The following BARHL2 variants were observed in gnomAD, a reference collection of about 807,000 sequenced individuals.
BARHL2 encodes the protein barH-like 2 homeobox protein.
Under a neutral mutation model 27.1 loss-of-function variants are expected in BARHL2, and 10 were observed. The ratio of observed to expected loss-of-function variants is 0.37; its 90% CI spans 0.23 to 0.63. The LOEUF is 0.63. BARHL2 is among the 20% of genes least tolerant of loss of function. The pLI is 0.65. For missense variants in BARHL2, 483 were observed against 533.5 expected, an observed-to-expected ratio of 0.91 and a Z score of 0.93; for synonymous variants, 248 against 224.7, an observed-to-expected ratio of 1.10 and a Z score of -0.93.
intron 2 of BARHL2, 117 bp downstream of exon 2, chr1:90,714,414 A>G (rs1205821427): frequency 4.0e-6 from 4 of 1,000,752 alleles, no homozygotes; most frequent in Non-Finnish European, 6.1e-6. Context: ...CCAAGTGCCC[A>G]CTCCAGGGTC....
rs563603782 is a variant in BARHL2, at chr1:90,712,588, C to T, written c.888G>A (p.Glu296=). The change falls in exon 3 of 3, where the codon GAG becomes GAA. Residue 296 remains glutamate (E), a synonymous_variant. Coordinates refer to ENST00000370445, the MANE Select transcript of BARHL2 (RefSeq NM_020063.2). ...AGTAGTTCCCTGCCTCGGCCAGCAA[C>T]TCCAGGCCCACCGCTGTCTGCCGCT... ...KWKRQTAVGL[E]LLAEAGNYSA... The T allele has an allele frequency of 3.5e-5, 57 of 1,612,086 alleles. No homozygotes were observed. The South Asian group carries it at 5.7e-4, about 16-fold the overall frequency.
rs55930814 is a variant in BARHL2 at position 90,712,729 on chromosome 1, C to G, written c.852-105G>C. On this transcript the variant is annotated intron_variant, in intron 2 of 2. Transcript: ENST00000370445. ...CTTCCTGCCTCCTCCTTCATTCTCC[C>G]TGGGTGGCAGGAAGACTCAGAGACC... is the stretch of plus-strand genomic sequence containing the variant. The G allele has an allele frequency of 7.9e-3, 9,440 of 1,189,506 alleles. 98 individuals carry two copies. The highest frequency in any genetic ancestry group is 8.4e-3 in the Non-Finnish European group (7,235 of 862,302). The allele number at this position is 1,189,506 out of a possible 1,614,324, so 73.7% of individuals were successfully genotyped here. A position where few individuals can be genotyped will look rare whatever the true frequency, so the allele number is the denominator to read the frequency against.
intron 1 of BARHL2, 93 bp downstream of exon 1, chr1:90,716,478 G>A (rs1454420678): frequency 7.4e-6 from 10 of 1,357,986 alleles, no homozygotes; most frequent in South Asian, 3.5e-5. Context: ...TCCTGGAATC[G>A]CTCCCCAGCA....
intron 1 of BARHL2, among the ~76,000 whole-genome samples, chr1:90,715,997 T>C (rs548660862): frequency 3.5e-4 from 54 of 152,124 alleles, no homozygotes; most frequent in Non-Finnish European, 6.6e-4. Context: ...AAGAAACTTA[T>C]TACAAATTTT....
Position 90,717,154 on chromosome 1 carries a change from G to A in BARHL2, c.42C>T (p.Asp14=). The change falls in exon 1 of 3, where the codon GAC becomes GAT. Residue 14 remains aspartate, a synonymous_variant. Coordinates refer to ENST00000370445, the MANE Select transcript of BARHL2 (RefSeq NM_020063.2). The stretch of plus-strand genomic sequence containing the variant: ...CTGAACTGGCACTGGACAAAATCGT[G>A]TCTATTCCAAAACTCGACCCGCTGG... ...EGASGSSFGI[D]TILSSASSGS... 1 of 1,613,628 alleles carries A rather than the reference G, an allele frequency of 6.2e-7. No individual in the cohort carries two copies. The highest frequency in any genetic ancestry group is 1.1e-5 in the South Asian group (1 of 90,956).
chr1:90,712,208 G>C lies in BARHL2; in HGVS notation c.*104C>G. ...CTTACTCCTCTGCCTTCCAGAGTTG[G>C]CTGCAAGGGAGGCCTAGTGGCCTGG... On this transcript the variant is annotated 3_prime_UTR_variant, in exon 3 of 3. Transcript: ENST00000370445. The C allele has an allele frequency of 1.6e-6, 2 of 1,227,222 alleles. No homozygotes were observed. Among genetic ancestry groups the C allele is most frequent in the South Asian group, 2.0e-5 (1 of 50,528 alleles). The allele number at this position is 1,227,222 out of a possible 1,614,324, so 76.0% of individuals were successfully genotyped here. A position where few individuals can be genotyped will look rare whatever the true frequency, so the allele number is the denominator to read the frequency against.
rs755002128 is a variant in BARHL2, at chr1:90,712,497, T to C, written c.979A>G (p.Ser327Gly). ...YHPSLLGSMD[S>G]TTAAAAAAAM... ...GCGGCAGCCGCCGCCGCCGTAGTGCTGTCCATGCTGCCCAGCAGGCTTGGG... is the reference window on the plus strand; with the variant it reads ...GCGGCAGCCGCCGCCGCCGTAGTGCCGTCCATGCTGCCCAGCAGGCTTGGG... Residue 327 changes from serine to glycine, a missense_variant, in exon 3 of 3, where the codon AGC (serine) becomes GGC (glycine). By Grantham distance (56) the Ser-to-Gly change is moderately conservative. This residue lies in a region of BARHL2 where 130 missense variants were observed against 138.0 expected (regional missense o/e 0.94). Transcript: ENST00000370445. 6.2e-6 allele frequency: 10 copies of C among 1,613,914 alleles called. No individual in the cohort carries two copies. In the East Asian group the frequency reaches 2.0e-4, roughly 32 times the overall value.
At position 90,716,880 on chromosome 1, in the gene BARHL2, G is replaced by C. The variant is rs773314962; in HGVS notation, c.316C>G (p.Gln106Glu). 113 of 1,583,490 alleles carry C rather than the reference G, an allele frequency of 7.1e-5. No individual in the cohort carries two copies. Among genetic ancestry groups the C allele is most frequent in the Non-Finnish European group, 9.5e-5 (111 of 1,165,932 alleles). Residue 106 changes from glutamine (Q) to glutamate (E), a missense_variant, in exon 1 of 3, where the codon CAG becomes GAG. Transcript: ENST00000370445. ...PPAAAPTQSL[Q>E]PLPQQQQPLP... ...GGCTGCTGCTGTTGGGGCAAAGGCTGCAAACTTTGCGTCGGGGCCGCGGCC... is the reference window on the plus strand; with the variant it reads ...GGCTGCTGCTGTTGGGGCAAAGGCTCCAAACTTTGCGTCGGGGCCGCGGCC...
Position 90,716,971 on chromosome 1 carries a change from C to A in BARHL2, c.225G>T (p.Pro75=), listed in dbSNP as rs141603891. Residue 75 remains proline, a synonymous_variant, in exon 1 of 3, where the codon CCG becomes CCT. Transcript: ENST00000370445. ...GCTGGGTCGCGTCTGCTACCAGATGCGGCTCCGGGGGCTCCATGGTGACTG... is the reference window on the plus strand; with the variant it reads ...GCTGGGTCGCGTCTGCTACCAGATGAGGCTCCGGGGGCTCCATGGTGACTG... ...PISVTMEPPE[P]HLVADATQHH... is the part of the protein sequence containing the mutation. 3.9e-4 allele frequency: 628 copies of A among 1,613,272 alleles called. 11 individuals are homozygous for A. The South Asian group carries it at 6.5e-3, about 17-fold the overall frequency.
Position 90,714,562 on chromosome 1 carries a change from T to C in BARHL2, c.820A>G (p.Thr274Ala), listed in dbSNP as rs1211077211. 6.2e-7 allele frequency: 1 copy of C among 1,614,050 alleles called. No homozygotes were observed. Among genetic ancestry groups the C allele is most frequent in the Non-Finnish European group, 8.5e-7 (1 of 1,180,028 alleles). ...TTCTGGTACCAGGTCTTGACTTGGGTGTCAGTGAGGTTGAGCGCTGCAGCC... is the reference window on the plus strand; with the variant it reads ...TTCTGGTACCAGGTCTTGACTTGGGCGTCAGTGAGGTTGAGCGCTGCAGCC... The part of the protein sequence containing the change: ...DLAAALNLTD[T>A]QVKTWYQNRR... The change falls in exon 2 of 3, where the codon ACC becomes GCC. Residue 274 changes from threonine (T) to alanine (A), a missense_variant. Coordinates refer to ENST00000370445, the MANE Select transcript of BARHL2 (RefSeq NM_020063.2).
At chr1:90,714,893 C>T (rs529607364) in intron 1 of BARHL2, 137 bp from the exon 2 acceptor site, 10 of 722,744 alleles carry the variant, frequency 1.4e-5, no homozygotes, top group African/African-American at 1.0e-4. Flanking sequence ...CTAGAACACA[C>T]ACACACTCAC....
Position 90,712,640 on chromosome 1 carries a change from T to A in BARHL2, c.852-16A>T. On this transcript the variant is annotated splice_polypyrimidine_tract_variant and intron_variant, in intron 2 of 2. Coordinates refer to ENST00000370445, the MANE Select transcript of BARHL2 (RefSeq NM_020063.2). ...CCACTTGGTCCTGAAAGAAAGCGGGTGTGCAGGCACCCAGCAGCTGTGGGC... is the reference window on the plus strand; with the variant it reads ...CCACTTGGTCCTGAAAGAAAGCGGGAGTGCAGGCACCCAGCAGCTGTGGGC... The A allele has an allele frequency of 6.3e-7, 1 of 1,589,604 alleles. No homozygotes were observed.
intron 2 of BARHL2, 149 bp downstream of exon 2, chr1:90,714,382 C>T (rs1429341286): frequency 4.0e-6 from 3 of 744,906 alleles, no homozygotes; most frequent in Non-Finnish European, 6.7e-6. Flanking sequence ...TGTGGCTCAT[C>T]CCTGCCCCAT....
chr1:90,712,263 T>C lies in BARHL2; in HGVS notation c.*49A>G, dbSNP rs1658047884. 2.1e-6 allele frequency: 3 copies of C among 1,411,086 alleles called. No individual in the cohort carries two copies. The highest frequency in any genetic ancestry group is 2.6e-5 in the East Asian group (1 of 39,198). 87.4% of individuals were successfully genotyped at this position (1,411,086 alleles called of 1,614,324 possible). ...GGGAGAGGACGGGCAGCAGTCCGGG[T>C]TGGGCAGGGATATGGGGAAGGGATT... On this transcript the variant is annotated 3_prime_UTR_variant, in exon 3 of 3. Coordinates refer to ENST00000370445, the MANE Select transcript of BARHL2 (RefSeq NM_020063.2).
rs769460418 is a variant in BARHL2, at chr1:90,711,673, ACT to A, written c.*637_*638del. 7 of 152,076 alleles carry A rather than the reference ACT, an allele frequency of 4.6e-5. No individual in the cohort carries two copies. Among genetic ancestry groups the A allele is most frequent in the Non-Finnish European group, 1.0e-4 (7 of 68,008 alleles). 9.4% of individuals were successfully genotyped at this position (152,076 alleles called of 1,614,324 possible). ...ATGTTTTTACTAACGTATATAAGTG[ACT>A]CTTTTTGGACAACATATAATAAATA... On this transcript the variant is annotated 3_prime_UTR_variant, in exon 3 of 3. Transcript: ENST00000370445.
In BARHL2 at chr1:90,712,457, C is replaced by T; in HGVS notation, c.1019G>A (p.Ser340Asn). 1 of 1,613,348 alleles carries T rather than the reference C, an allele frequency of 6.2e-7. No individual in the cohort carries two copies. Among genetic ancestry groups the T allele is most frequent in the Non-Finnish European group, 8.5e-7 (1 of 1,179,728 alleles). ...AAAAAAAMYS[S>N]MYRTPPAPHP... is the part of the protein sequence containing the mutation. The stretch of plus-strand genomic sequence containing the variant: ...GGGTGCTGGAGGAGTCCGGTACATG[C>T]TGCTGTACATGGCAGCGGCAGCCGC... Residue 340 changes from serine to asparagine, a missense_variant, in exon 3 of 3, where the codon AGC becomes AAC. Ser to Asn is a conservative substitution (Grantham distance 46, BLOSUM62 1). Transcript: ENST00000370445.
Position 90,717,280 on chromosome 1 carries a change from C to A in BARHL2, c.-85G>T. ...GCTATCGATCGTAAAACAAAATAAA[C>A]ACCAAACAATGTTGCCGCCGCTTAA... On this transcript the variant is annotated 5_prime_UTR_variant, in exon 1 of 3. Coordinates refer to ENST00000370445, the MANE Select transcript of BARHL2 (RefSeq NM_020063.2). 2 of 1,534,124 alleles carry A rather than the reference C, an allele frequency of 1.3e-6. No individual in the cohort carries two copies. The highest frequency in any genetic ancestry group is 1.7e-6 in the Non-Finnish European group (2 of 1,155,096).
intron 2 of BARHL2, among the ~76,000 whole-genome samples, chr1:90,713,768 C>T (rs1658085666): frequency 6.6e-6 from 1 of 152,200 alleles, no homozygotes; most frequent in Admixed American, 6.5e-5. Context: ...CTTCGTGGCC[C>T]TGCGAGCACT....
At chr1:90,715,736 G>A (rs898145519) in intron 1 of BARHL2, among the ~76,000 whole-genome samples, 2 of 152,080 alleles carry the variant, frequency 1.3e-5, no homozygotes, top group African/African-American at 4.8e-5. Flanking sequence ...AGCTCTCCTG[G>A]TATGTTAAAA....
Sources: gnomAD v4.1 joint callset for allele counts (sites outside exome capture counted in the v4.1 genomes callset) on GRCh38, gnomAD v4.1.1 for gene constraint, gnomAD v4.1.1 regional missense constraint, MANE v1.5 for transcripts, NCBI Gene and HGNC (gene_info 2026-07-23, HGNC 2026-07-21) for gene names.